ATP8A2: variants seen among roughly 807,000 people sequenced by gnomAD.
ATP8A2 encodes phospholipid-transporting ATPase IB.
Under a neutral mutation model 165.6 loss-of-function variants are expected in ATP8A2, and 100 were observed. That is an observed-to-expected ratio of 0.60 (90% CI 0.51 to 0.71). The LOEUF (loss-of-function observed/expected upper bound fraction) is 0.71, where lower values mean the gene tolerates loss of function less well. Among genes scored for constraint, ATP8A2 ranks in the 30% least tolerant of loss-of-function variants. The pLI is 0.00. For synonymous variants in ATP8A2, 543 were observed against 548.8 expected (o/e 0.99, Z 0.15); for missense variants, 1,227 against 1,479.5 (o/e 0.83, Z 2.80).
At chr13:25,802,326 C>G (rs971169505) in intron 27 of ATP8A2, among the ~76,000 whole-genome samples, 8 of 152,150 alleles carry the variant, frequency 5.3e-5, no homozygotes, top group African/African-American at 1.9e-4. Flanking sequence ...CCAGCAGCTA[C>G]ATTCCCTGTC....
At chr13:25,949,399 T>G (rs1037283978) in intron 33 of ATP8A2, among the ~76,000 whole-genome samples, 1 of 152,176 alleles carries the variant, frequency 6.6e-6, no homozygotes, top group African/African-American at 2.4e-5. Flanking sequence ...ACGCTAATAG[T>G]CTGAATTATC....
Position 25,892,478 on chromosome 13 carries a change from G to GTCTCTCTCTCTCTCTCTCTCTCTCTC in ATP8A2, c.3183+30071_3183+30096dup, listed in dbSNP as rs144283908. Among the ~76,000 whole-genome samples the GTCTCTCTCTCTCTCTCTCTCTCTCTC allele has an allele frequency of 5.1e-3, 701 of 136,176 alleles. 51 individuals are homozygous for GTCTCTCTCTCTCTCTCTCTCTCTCTC. The highest frequency in any genetic ancestry group is 0.018 in the African/African-American group (616 of 33,802). 89.3% of individuals were successfully genotyped at this position (136,176 alleles called of 152,430 possible). On this transcript the variant is annotated intron_variant, in intron 33 of 36. Coordinates refer to ENST00000381655, the MANE Select transcript of ATP8A2 (RefSeq NM_016529.6). ...CATTTCTCTCTCTCTCTGTCTCTCT[G>GTCTCTCTCTCTCTCTCTCTCTCTCTC]TCTCTCTCTCTCTCTCTCTCTCTCT...
chr13:25,583,157 G>A (rs4770848), intron 23 of ATP8A2, among the ~76,000 whole-genome samples: 11,910 of 152,156 alleles, frequency 0.078, 775 homozygotes, highest in East Asian at 0.19. Context: ...TGTGTCAGTA[G>A]CATTTTTACA....
intron 1 of ATP8A2, among the ~76,000 whole-genome samples, chr13:25,410,041 T>G (rs1329964460): frequency 1.3e-5 from 2 of 150,694 alleles, no homozygotes; most frequent in Non-Finnish European, 1.5e-5. Flanking sequence ...CCTAATGGGT[T>G]CAGCCATTAG....
chr13:25,661,659 CA>C (rs2042053674), intron 24 of ATP8A2, among the ~76,000 whole-genome samples: 1 of 152,070 alleles, frequency 6.6e-6, no homozygotes, highest in Non-Finnish European at 1.5e-5. Context: ...TTGGGGAAAG[CA>C]AAAATTAAAA....
intron 33 of ATP8A2, among the ~76,000 whole-genome samples, chr13:25,869,092 A>AAC: frequency 7.2e-6 from 1 of 139,342 alleles, no homozygotes; most frequent in African/African-American, 2.8e-5. Context: ...AAAAAAAAAA[A>AAC]ACCTTTTAAT....
intron 1 of ATP8A2, among the ~76,000 whole-genome samples, chr13:25,430,963 C>T (rs7996098): frequency 0.18 from 27,108 of 151,872 alleles, 3,008 homozygotes; most frequent in East Asian, 0.4. Flanking sequence ...TTAATATTGT[C>T]ACTCCTTGTT....
chr13:25,539,643 T>C (rs539554254), intron 7 of ATP8A2, among the ~76,000 whole-genome samples: 1 of 152,308 alleles, frequency 6.6e-6, no homozygotes, highest in East Asian at 1.9e-4. Context: ...ATAAAGGTAG[T>C]GCTAGGGGAT....
intron 33 of ATP8A2, among the ~76,000 whole-genome samples, chr13:25,920,547 C>G (rs1954420196): frequency 6.6e-6 from 1 of 152,160 alleles, no homozygotes; most frequent in Non-Finnish European, 1.5e-5. Context: ...CGAAGTCCTC[C>G]CTCTTACCAG....
intron 13 of ATP8A2, among the ~76,000 whole-genome samples, chr13:25,557,843 A>G (rs1301422288): frequency 6.6e-6 from 1 of 152,220 alleles, no homozygotes; most frequent in African/African-American, 2.4e-5. Flanking sequence ...AGGATAAGTT[A>G]AAATTTAGTA....
chr13:25,390,018 G>A (rs956461139), intron 1 of ATP8A2, among the ~76,000 whole-genome samples: 4 of 152,156 alleles, frequency 2.6e-5, no homozygotes, highest in East Asian at 1.9e-4. Context: ...GTTTTGAAAC[G>A]GAGTCTTGCT....
In ATP8A2 at chr13:25,851,222, A is replaced by G. The variant is rs116940874; in HGVS notation, c.2957-8973A>G. Among the ~76,000 whole-genome samples, 1,138 of 152,322 alleles carry G rather than the reference A, an allele frequency of 7.5e-3. 13 individuals are homozygous for G. The highest frequency in any genetic ancestry group is 0.023 in the African/African-American group (967 of 41,572). On this transcript the variant is annotated intron_variant, in intron 30 of 36. Coordinates refer to ENST00000381655, the MANE Select transcript of ATP8A2 (RefSeq NM_016529.6). Reference sequence around the variant, plus strand: ...CATCTTCATTAAAGTTTAATGCTCAAATTACCTTGTGTGTTAGCATTTTAT... The same window carrying G: ...CATCTTCATTAAAGTTTAATGCTCAGATTACCTTGTGTGTTAGCATTTTAT...
chr13:25,558,879 A>G (rs571070513), intron 13 of ATP8A2, 94 bp from the exon 14 acceptor site: 34 of 819,092 alleles, frequency 4.2e-5, no homozygotes, highest in African/African-American at 7.0e-5. Context: ...CCCGTTTCAT[A>G]CAGGTTTTGA....
intron 33 of ATP8A2, among the ~76,000 whole-genome samples, chr13:25,952,449 T>C (rs1955394457): frequency 6.6e-6 from 1 of 151,766 alleles, no homozygotes; most frequent in Non-Finnish European, 1.5e-5. Flanking sequence ...GGCACAATCA[T>C]AGCTCACTTC....
chr13:25,515,873 A>G (rs1033941072), intron 2 of ATP8A2, among the ~76,000 whole-genome samples: 27 of 152,162 alleles, frequency 1.8e-4, no homozygotes, highest in African/African-American at 5.1e-4. Context: ...TGAGCTGTAC[A>G]CTTTGGTTTT....
chr13:25,867,997 A>C, intron 33 of ATP8A2: 2 of 378,880 alleles, frequency 5.3e-6, no homozygotes, highest in Non-Finnish European at 1.1e-5. Flanking sequence ...CACTGTATGA[A>C]GCCAGCCTCG....
intron 35 of ATP8A2, among the ~76,000 whole-genome samples, chr13:25,979,633 C>T (rs989339960): frequency 1.2e-4 from 18 of 152,088 alleles, no homozygotes; most frequent in African/African-American, 4.3e-4. Context: ...TAATGTGGGG[C>T]GAGTCATTTA....
At chr13:25,382,531 A>T (rs572358412) in intron 1 of ATP8A2, among the ~76,000 whole-genome samples, 1 of 152,304 alleles carries the variant, frequency 6.6e-6, no homozygotes, top group Admixed American at 6.5e-5. Context: ...AAGTGGCTGT[A>T]CCATTTTGCA....
intron 25 of ATP8A2, among the ~76,000 whole-genome samples, chr13:25,737,901 G>A (rs939454135): frequency 2.0e-5 from 3 of 152,122 alleles, no homozygotes; most frequent in African/African-American, 7.2e-5. Flanking sequence ...AGCCAGGATG[G>A]TCTCGATCTC....
Sources: allele counts gnomAD v4.1 joint callset (sites outside exome capture counted in the v4.1 genomes callset), GRCh38; gene constraint gnomAD v4.1.1; transcripts MANE v1.5; gene names NCBI Gene and HGNC (gene_info 2026-07-23, HGNC 2026-07-21).